Variants in PEX5L observed in about 807,000 individuals in gnomAD.
The protein encoded by PEX5L is peroxisomal biogenesis factor 5 like.
Under a neutral mutation model 84.0 loss-of-function variants are expected in PEX5L, and 30 were observed. That is an observed-to-expected ratio of 0.36 (90% CI 0.27 to 0.48). PEX5L has a LOEUF of 0.48. PEX5L is among the 20% of genes least tolerant of loss of function. The pLI, the probability that PEX5L is intolerant of heterozygous loss-of-function variation, is 0.99. For missense variants in PEX5L, 533 were observed against 754.6 expected (o/e 0.71, Z 3.44); for synonymous variants, 270 against 283.1 (o/e 0.95, Z 0.46).
At chr3:179,954,556 T>C (rs900431384) in intron 2 of PEX5L, among the ~76,000 whole-genome samples, 25 of 152,136 alleles carry the variant, frequency 1.6e-4, no homozygotes, top group African/African-American at 5.8e-4. Context: ...AAGTCCCTTT[T>C]ATTTAAACTC....
chr3:179,892,401 T>C (rs868202638), intron 3 of PEX5L, among the ~76,000 whole-genome samples: 11 of 152,152 alleles, frequency 7.2e-5, no homozygotes, highest in South Asian at 2.1e-4. Context: ...CCCAGTGTCA[T>C]ACTCTTAGTT....
intron 1 of PEX5L, among the ~76,000 whole-genome samples, chr3:180,016,081 G>A (rs895597241): frequency 6.6e-6 from 1 of 151,048 alleles, no homozygotes; most frequent in Non-Finnish European, 1.5e-5. Flanking sequence ...TTTCCACAAA[G>A]AGAAGTAAGT....
At position 179,854,291 on chromosome 3, in the gene PEX5L, A is replaced by G. The variant is rs1483563163; in HGVS notation, c.822+4771T>C. Among the ~76,000 whole-genome samples the G allele has an allele frequency of 2.0e-5, 3 of 152,068 alleles. No individual in the cohort carries two copies. The East Asian group carries it at 5.9e-4, about 30-fold the overall frequency. On this transcript the variant is annotated intron_variant, in intron 8 of 14. Coordinates refer to ENST00000467460, the MANE Select transcript of PEX5L (RefSeq NM_016559.3). ...GTTCCCAGGTCATTTACTACAAACA[A>G]TACATGTTCATGTGGTTTTAGTTGT... is the stretch of plus-strand genomic sequence containing the variant.
chr3:179,841,999 T>C (rs763146922), intron 8 of PEX5L, among the ~76,000 whole-genome samples: 14 of 152,240 alleles, frequency 9.2e-5, no homozygotes, highest in Non-Finnish European at 1.9e-4. Flanking sequence ...CATACTTTAG[T>C]GGATTTATGT....
chr3:180,028,446 A>G (rs1176708452), intron 1 of PEX5L, among the ~76,000 whole-genome samples: 2 of 152,252 alleles, frequency 1.3e-5, no homozygotes, highest in African/African-American at 4.8e-5. Context: ...TAGTTATACT[A>G]CAACTGAAAA....
chr3:179,822,101 C>G (rs1363816100), intron 8 of PEX5L, among the ~76,000 whole-genome samples: 1 of 152,162 alleles, frequency 6.6e-6, no homozygotes, highest in African/African-American at 2.4e-5. Context: ...GCAGGTTTAA[C>G]CTGTCTGCAG....
chr3:179,952,092 T>C (rs1779236365), intron 2 of PEX5L, among the ~76,000 whole-genome samples: 1 of 152,222 alleles, frequency 6.6e-6, no homozygotes, highest in South Asian at 2.1e-4. Flanking sequence ...TCTGCTACTA[T>C]ACTTTGCTTA....
chr3:179,985,620 C>A (rs1036032718), intron 1 of PEX5L, among the ~76,000 whole-genome samples: 1 of 151,988 alleles, frequency 6.6e-6, no homozygotes, highest in Non-Finnish European at 1.5e-5. Flanking sequence ...ATATAAAAAC[C>A]CTTGAGAATC....
chr3:179,818,523 A>T (rs1383479923), intron 9 of PEX5L, among the ~76,000 whole-genome samples: 3 of 152,126 alleles, frequency 2.0e-5, no homozygotes, highest in Non-Finnish European at 4.4e-5. Context: ...TATGCTATAA[A>T]ATACTAGATT....
intron 2 of PEX5L, among the ~76,000 whole-genome samples, chr3:179,928,403 C>T (rs927928057): frequency 2.0e-5 from 3 of 152,170 alleles, no homozygotes; most frequent in East Asian, 1.9e-4. Context: ...GACAAAGAGC[C>T]ATTTACAAAT....
chr3:180,027,773 G>A (rs1791099213), intron 1 of PEX5L, among the ~76,000 whole-genome samples: 1 of 152,138 alleles, frequency 6.6e-6, no homozygotes, highest in African/African-American at 2.4e-5. Flanking sequence ...GCATTTAGTT[G>A]TCATATCTCT....
chr3:179,992,886 C>CTATG lies in PEX5L; in HGVS notation c.22-21225_22-21222dup, dbSNP rs201959148. 3.0e-3 allele frequency among the ~76,000 whole-genome samples: 456 copies of CTATG among 151,692 alleles called. 3 individuals carry two copies. Among genetic ancestry groups the CTATG allele is most frequent in the African/African-American group, 9.9e-3 (411 of 41,312 alleles). On this transcript the variant is annotated intron_variant, in intron 1 of 14. Coordinates refer to ENST00000467460, the MANE Select transcript of PEX5L (RefSeq NM_016559.3). ...TGCATGTATGTATGTATGTATGTGT[C>CTATG]TATGTATGTATGTATGTATGTACAT...
At chr3:179,970,533 T>C (rs1392094789) in intron 2 of PEX5L, among the ~76,000 whole-genome samples, 2 of 152,060 alleles carry the variant, frequency 1.3e-5, no homozygotes, top group Admixed American at 1.3e-4. Flanking sequence ...ATCAATATAT[T>C]CTGCACCTCG....
intron 8 of PEX5L, among the ~76,000 whole-genome samples, chr3:179,822,499 C>T (rs1577278368): frequency 6.6e-6 from 1 of 152,198 alleles, no homozygotes; most frequent in East Asian, 1.9e-4. Flanking sequence ...AAGTGCAGAG[C>T]ACAGTTTTCA....
chr3:179,909,113 C>T (rs1764293575), intron 2 of PEX5L, among the ~76,000 whole-genome samples: 1 of 152,000 alleles, frequency 6.6e-6, no homozygotes, highest in African/African-American at 2.4e-5. Context: ...TTGTATTCAT[C>T]CATGGAATAA....
chr3:180,007,142 G>A (rs989015180), intron 1 of PEX5L, among the ~76,000 whole-genome samples: 1 of 152,142 alleles, frequency 6.6e-6, no homozygotes, highest in Non-Finnish European at 1.5e-5. Flanking sequence ...ATACAATGGG[G>A]GTACAGGTAT....
intron 2 of PEX5L, among the ~76,000 whole-genome samples, chr3:179,943,843 T>A (rs1279357797): frequency 1.3e-5 from 2 of 152,176 alleles, no homozygotes; most frequent in Non-Finnish European, 2.9e-5. Context: ...ATCTCCTTTT[T>A]CCTTTCCACA....
chr3:180,030,733 C>A (rs897261518), intron 1 of PEX5L, among the ~76,000 whole-genome samples: 3 of 152,158 alleles, frequency 2.0e-5, no homozygotes, highest in Non-Finnish European at 4.4e-5. Flanking sequence ...ATTCATAGAT[C>A]ACCATATGGC....
chr3:179,816,543 C>A (rs1457955180), intron 9 of PEX5L, among the ~76,000 whole-genome samples: 1 of 151,952 alleles, frequency 6.6e-6, no homozygotes, highest in East Asian at 1.9e-4. Context: ...ACAATGAGAA[C>A]ACGTGGACAC....
Sources: allele counts gnomAD v4.1 joint callset (sites outside exome capture counted in the v4.1 genomes callset), GRCh38; gene constraint gnomAD v4.1.1; transcripts MANE v1.5; gene names NCBI Gene and HGNC (gene_info 2026-07-23, HGNC 2026-07-21).